The following CHN1 variants were observed in gnomAD, a reference collection of about 807,000 sequenced individuals.
CHN1 encodes N-chimaerin.
In CHN1, 37 loss-of-function variants were observed where a neutral mutation model predicts 59.5. The ratio of observed to expected loss-of-function variants is 0.62; its 90% CI spans 0.48 to 0.82. CHN1 has a LOEUF of 0.82. Among genes scored for constraint, CHN1 ranks in the 40% least tolerant of loss-of-function variants. The pLI is 0.00. For missense variants in CHN1, 469 were observed against 571.0 expected (o/e 0.82, Z 1.82); for synonymous variants, 206 against 200.4 (o/e 1.03, Z -0.24).
rs1688043310 is a variant in CHN1, at chr2:174,891,310, G to C, written c.261-13182C>G. On this transcript the variant is annotated intron_variant, in intron 5 of 12. Coordinates refer to ENST00000409900, the MANE Select transcript of CHN1 (RefSeq NM_001822.7). ...AAATAGGCCGGGAGCGGTGGCTCAT[G>C]CCTGTAATCCCAGCACTTTGGGAGG... Among the ~76,000 whole-genome samples, 5 of 152,080 alleles carry C rather than the reference G, an allele frequency of 3.3e-5. No individual in the cohort carries two copies. In the South Asian group the frequency reaches 1.0e-3, roughly 32 times the overall value.
intron 3 of CHN1, among the ~76,000 whole-genome samples, chr2:174,942,049 A>C (rs115001070): frequency 9.5e-4 from 144 of 152,318 alleles, no homozygotes; most frequent in Non-Finnish European, 1.7e-3. Context: ...GAATTCATAC[A>C]CTGATGGTGG....
chr2:174,801,933 T>C (rs1684736359), intron 11 of CHN1, 121 bp from the exon 12 acceptor site: 3 of 742,504 alleles, frequency 4.0e-6, no homozygotes, highest in Admixed American at 2.1e-5. Context: ...TTCTCGTAAT[T>C]CCTTGTCCAC....
intron 3 of CHN1, chr2:174,920,998 G>A (rs775433553): frequency 7.1e-6 from 3 of 422,180 alleles, no homozygotes; most frequent in Non-Finnish European, 1.5e-5. Context: ...CGCATGTGCA[G>A]TTCACAATAG....
chr2:174,917,112 GA>G (rs998689185), intron 4 of CHN1, among the ~76,000 whole-genome samples: 10 of 152,118 alleles, frequency 6.6e-5, no homozygotes, highest in Admixed American at 2.6e-4. Context: ...AGAACTGCCT[GA>G]ACCCAGGAGG....
chr2:175,005,341 C>A lies in CHN1; in HGVS notation c.-429G>T. On this transcript the variant is annotated 5_prime_UTR_variant, in exon 1 of 13. Coordinates refer to ENST00000409900, the MANE Select transcript of CHN1 (RefSeq NM_001822.7). ...CGGCGGGGCGCGCTCACTCCGCATC[C>A]CGCGGCCTCGCAGACGCCATCTTGC... 1 of 1,158,544 alleles carries A rather than the reference C, an allele frequency of 8.6e-7. No homozygotes were observed. The highest frequency in any genetic ancestry group is 1.1e-6 in the Non-Finnish European group (1 of 922,958). 71.8% of individuals were successfully genotyped at this position (1,158,544 alleles called of 1,614,324 possible).
At chr2:174,916,703 A>G (rs564344825) in intron 4 of CHN1, among the ~76,000 whole-genome samples, 2 of 152,304 alleles carry the variant, frequency 1.3e-5, no homozygotes, top group African/African-American at 2.4e-5. Flanking sequence ...TAGGTTTACA[A>G]TGGGCTCCTG....
At chr2:174,901,409 C>G (rs1387449186) in intron 5 of CHN1, among the ~76,000 whole-genome samples, 2 of 152,314 alleles carry the variant, frequency 1.3e-5, no homozygotes, top group East Asian at 3.9e-4. Flanking sequence ...TTTCCTTTCT[C>G]AGAAAAGCCT....
chr2:174,999,492 G>A (rs1449594995), intron 1 of CHN1, among the ~76,000 whole-genome samples: 1 of 152,010 alleles, frequency 6.6e-6, no homozygotes, highest in African/African-American at 2.4e-5. Flanking sequence ...TAAATTCCTA[G>A]GTTAAAACAA....
intron 7 of CHN1, among the ~76,000 whole-genome samples, chr2:174,830,116 C>T (rs1450495292): frequency 2.0e-5 from 3 of 151,996 alleles, no homozygotes; most frequent in African/African-American, 7.3e-5. Flanking sequence ...ACCTGTAGTC[C>T]CAGCTACTCG....
intron 7 of CHN1, among the ~76,000 whole-genome samples, chr2:174,838,448 CA>C (rs1260480050): frequency 6.6e-6 from 1 of 151,818 alleles, no homozygotes. Context: ...CAGTGGGTCA[CA>C]AAAAAGATGA....
At position 175,004,960 on chromosome 2, in the gene CHN1, CG is replaced by C; in HGVS notation, c.-49del. On this transcript the variant is annotated 5_prime_UTR_variant, in exon 1 of 13. Transcript: ENST00000409900. ...CGCGAGTCCAGGCGCTCCTCCCAGGCGGGCTAGGGATCACCTCATCAGCCCG... is the reference window on the plus strand; with the variant it reads ...CGCGAGTCCAGGCGCTCCTCCCAGGCGGCTAGGGATCACCTCATCAGCCCG... 2 of 1,518,642 alleles carry C rather than the reference CG, an allele frequency of 1.3e-6. No individual in the cohort carries two copies. 94.1% of individuals were successfully genotyped at this position (1,518,642 alleles called of 1,614,324 possible).
chr2:174,883,973 T>C (rs563635270), intron 5 of CHN1, among the ~76,000 whole-genome samples: 300 of 148,536 alleles, frequency 2.0e-3, no homozygotes, highest in African/African-American at 7.1e-3. Context: ...TTCTTTTTTT[T>C]TTTTTTTTTT....
chr2:174,961,221 G>C (rs933240980), intron 1 of CHN1, among the ~76,000 whole-genome samples: 2 of 123,162 alleles, frequency 1.6e-5, no homozygotes, highest in Non-Finnish European at 3.8e-5. Flanking sequence ...GAAGAAGGGA[G>C]GGAGGGAGGG....
At position 174,970,323 on chromosome 2, in the gene CHN1, T is replaced by G. The variant is rs117732000; in HGVS notation, c.20-18121A>C. Among the ~76,000 whole-genome samples, 395 of 152,342 alleles carry G rather than the reference T, an allele frequency of 2.6e-3. 5 individuals carry two copies. In the South Asian group the frequency reaches 0.042, roughly 16 times the overall value. On this transcript the variant is annotated intron_variant, in intron 1 of 12. Coordinates refer to ENST00000409900, the MANE Select transcript of CHN1 (RefSeq NM_001822.7). The stretch of plus-strand genomic sequence containing the variant: ...TAGTCATTTCACTTGAAAGAAGGAC[T>G]CACAAACTATGACTAATCAGACTTG...
chr2:174,989,592 C>A (rs890762259), intron 1 of CHN1, among the ~76,000 whole-genome samples: 1 of 151,970 alleles, frequency 6.6e-6, no homozygotes, highest in Non-Finnish European at 1.5e-5. Flanking sequence ...AACTTCGAGA[C>A]CAGCCTGGGC....
chr2:174,916,704 T>C (rs1688858284), intron 4 of CHN1, among the ~76,000 whole-genome samples: 1 of 152,320 alleles, frequency 6.6e-6, no homozygotes, highest in Admixed American at 6.5e-5. Flanking sequence ...AGGTTTACAA[T>C]GGGCTCCTGA....
chr2:174,808,839 A>G, intron 11 of CHN1, 66 bp downstream of exon 11: 1 of 1,554,200 alleles, frequency 6.4e-7, no homozygotes, highest in Non-Finnish European at 8.9e-7. Flanking sequence ...GTTAGCCAGA[A>G]AACCAGGAAG....
chr2:174,894,203 T>C (rs1688140469), intron 5 of CHN1, among the ~76,000 whole-genome samples: 1 of 152,100 alleles, frequency 6.6e-6, no homozygotes, highest in Admixed American at 6.6e-5. Context: ...GAAATATTTA[T>C]AAGCCATATT....
chr2:174,808,724 T>C (rs137971877), intron 11 of CHN1, among the ~76,000 whole-genome samples, 181 bp downstream of exon 11: 9 of 152,350 alleles, frequency 5.9e-5, no homozygotes, highest in African/African-American at 2.2e-4. Flanking sequence ...CTTCTGATGG[T>C]ATTAAGTCAT....
Sources: allele counts gnomAD v4.1 joint callset (sites outside exome capture counted in the v4.1 genomes callset), GRCh38; gene constraint gnomAD v4.1.1; transcripts MANE v1.5; gene names NCBI Gene and HGNC (gene_info 2026-07-23, HGNC 2026-07-21).